TOX2: variants seen among roughly 807,000 people sequenced by gnomAD.
TOX2 encodes the protein TOX high mobility group box family member 2.
Under a neutral mutation model 47.4 loss-of-function variants are expected in TOX2, and 15 were observed. The observed-to-expected ratio is 0.32, with a 90% CI of 0.21 to 0.49. TOX2 has a LOEUF of 0.49. Ranked by LOEUF, TOX2 falls within the 20% of genes least tolerant of loss-of-function variation. The pLI is 0.99. For missense variants in TOX2, 622 were observed against 673.1 expected (o/e 0.92, Z 0.84); for synonymous variants, 290 against 296.6 (o/e 0.98, Z 0.23).
chr20:44,017,956 A>G (rs115212433), intron 3 of TOX2, among the ~76,000 whole-genome samples: 2 of 152,196 alleles, frequency 1.3e-5, no homozygotes, highest in Non-Finnish European at 2.9e-5. Context: ...GACCCACTTT[A>G]TCTGCCCAGC....
At chr20:43,981,083 GA>G (rs1213953290) in intron 2 of TOX2, among the ~76,000 whole-genome samples, 1 of 152,196 alleles carries the variant, frequency 6.6e-6, no homozygotes, top group African/African-American at 2.4e-5. Context: ...TTAAGTATGT[GA>G]AAAGTGCTAA....
At chr20:44,061,200 A>C (rs1205649481) in intron 5 of TOX2, among the ~76,000 whole-genome samples, 1 of 151,812 alleles carries the variant, frequency 6.6e-6, no homozygotes, top group East Asian at 1.9e-4. Flanking sequence ...ATTAAACCAG[A>C]CCAATAACAA....
At chr20:43,977,443 T>A (rs1434597290) in intron 2 of TOX2, among the ~76,000 whole-genome samples, 1 of 152,222 alleles carries the variant, frequency 6.6e-6, no homozygotes, top group African/African-American at 2.4e-5. Context: ...AAATTTGTTC[T>A]TTAATGTAAC....
At chr20:43,945,884 T>G in intron 1 of TOX2, 1 of 1,608,752 alleles carries the variant, frequency 6.2e-7, no homozygotes, top group South Asian at 1.1e-5. Flanking sequence ...TTGCTATTTC[T>G]GGCATTTTTT....
intron 5 of TOX2, among the ~76,000 whole-genome samples, chr20:44,058,822 G>A (rs2071667962): frequency 6.6e-6 from 1 of 152,218 alleles, no homozygotes; most frequent in Admixed American, 6.5e-5. Context: ...GGGCTCTCAG[G>A]AAACCACATC....
At chr20:43,955,735 C>G (rs908239838) in intron 1 of TOX2, among the ~76,000 whole-genome samples, 1 of 152,192 alleles carries the variant, frequency 6.6e-6, no homozygotes, top group Non-Finnish European at 1.5e-5. Flanking sequence ...GCTTCTCATT[C>G]TAGCCATCAG....
At position 44,044,161 on chromosome 20, in the gene TOX2, G is replaced by T. The variant is rs140843843; in HGVS notation, c.412-7145G>T. On this transcript the variant is annotated intron_variant, in intron 3 of 8. Coordinates refer to ENST00000341197, the MANE Select transcript of TOX2 (RefSeq NM_001098797.2). The stretch of plus-strand genomic sequence containing the variant: ...ATGAAGCTGGAAACCATCATTCTTG[G>T]CAAACTATCGCAAGAACAAAAAACC... Among the ~76,000 whole-genome samples the T allele has an allele frequency of 4.2e-3, 639 of 152,118 alleles. 3 individuals carry two copies. The highest frequency in any genetic ancestry group is 0.015 in the African/African-American group (604 of 41,476).
chr20:43,994,255 A>G (rs6031281), intron 2 of TOX2, among the ~76,000 whole-genome samples: 124,559 of 151,836 alleles, frequency 0.82, 51,656 homozygotes, highest in Non-Finnish European at 0.85. Context: ...GCTTGAGCTC[A>G]GGAGTTTGAG....
intron 4 of TOX2, among the ~76,000 whole-genome samples, chr20:44,051,851 G>T (rs1322433195): frequency 6.6e-6 from 1 of 152,212 alleles, no homozygotes; most frequent in African/African-American, 2.4e-5. Context: ...TCGGGCTTTG[G>T]CTGCTCCAAG....
intron 1 of TOX2, among the ~76,000 whole-genome samples, chr20:43,952,705 G>A (rs2069601245): frequency 6.6e-6 from 1 of 152,164 alleles, no homozygotes; most frequent in African/African-American, 2.4e-5. Flanking sequence ...GGAGAGGAGA[G>A]CCAGATATTG....
intron 2 of TOX2, among the ~76,000 whole-genome samples, chr20:44,000,384 G>A (rs1015157951): frequency 1.3e-5 from 2 of 152,192 alleles, no homozygotes; most frequent in African/African-American, 2.4e-5. Flanking sequence ...GGATGTGAGA[G>A]GAAGAGAGGG....
At chr20:43,919,420 A>G (rs1203296816) in intron 1 of TOX2, among the ~76,000 whole-genome samples, 1 of 152,190 alleles carries the variant, frequency 6.6e-6, no homozygotes, top group Non-Finnish European at 1.5e-5. Context: ...CTGGTTTGTG[A>G]TTGTTAAATA....
intron 5 of TOX2, among the ~76,000 whole-genome samples, chr20:44,058,132 T>C (rs2016024): frequency 0.53 from 81,222 of 152,100 alleles, 21,856 homozygotes; most frequent in East Asian, 0.63. Flanking sequence ...CTTTGAAGGA[T>C]GTGGATTGCT....
At chr20:43,974,358 C>T (rs545669814) in intron 2 of TOX2, among the ~76,000 whole-genome samples, 3 of 151,068 alleles carry the variant, frequency 2.0e-5, no homozygotes, top group East Asian at 2.0e-4. Context: ...TACTGCAGGC[C>T]GGAACCCCAG....
At chr20:43,970,112 T>C (rs955953849) in intron 1 of TOX2, among the ~76,000 whole-genome samples, 1 of 152,146 alleles carries the variant, frequency 6.6e-6, no homozygotes, top group Non-Finnish European at 1.5e-5. Flanking sequence ...TAGAAAAGCA[T>C]TGGTCCCTGC....
intron 1 of TOX2, among the ~76,000 whole-genome samples, chr20:43,920,617 G>T (rs1327108409): frequency 6.6e-6 from 1 of 152,132 alleles, no homozygotes; most frequent in African/African-American, 2.4e-5. Flanking sequence ...CTCCAGGAAG[G>T]ACCCCAGGAT....
At chr20:43,921,131 A>G (rs1008580319) in intron 1 of TOX2, among the ~76,000 whole-genome samples, 2 of 152,168 alleles carry the variant, frequency 1.3e-5, no homozygotes, top group Non-Finnish European at 2.9e-5. Context: ...CGGACCTTCC[A>G]TTCCTAGAGG....
chr20:44,016,942 C>T (rs1342397326), intron 3 of TOX2, among the ~76,000 whole-genome samples: 1 of 152,180 alleles, frequency 6.6e-6, no homozygotes, highest in Non-Finnish European at 1.5e-5. Context: ...CACAGAAAAC[C>T]ATGATGAACA....
chr20:43,950,680 C>T (rs537340365), intron 1 of TOX2, among the ~76,000 whole-genome samples: 1 of 152,232 alleles, frequency 6.6e-6, no homozygotes, highest in East Asian at 1.9e-4. Context: ...TGAGGCCCAC[C>T]TTGACTGCTC....
Sources: gnomAD v4.1 joint callset for allele counts (sites outside exome capture counted in the v4.1 genomes callset) on GRCh38, gnomAD v4.1.1 for gene constraint, MANE v1.5 for transcripts, NCBI Gene and HGNC (gene_info 2026-07-23, HGNC 2026-07-21) for gene names.